LMAN2: variants seen among roughly 807,000 people sequenced by gnomAD.
LMAN2 encodes the protein vesicular integral-membrane protein VIP36.
Under a neutral mutation model 39.3 loss-of-function variants are expected in LMAN2, and 22 were observed. The observed-to-expected ratio is 0.56, with a 90% CI of 0.40 to 0.80. The LOEUF is 0.80. LMAN2 is among the 30% of genes least tolerant of loss of function. The pLI is 0.00. For synonymous variants in LMAN2, 207 were observed against 207.8 expected, an observed-to-expected ratio of 1.00 and a Z score of 0.03; for missense variants, 494 against 505.4, an observed-to-expected ratio of 0.98 and a Z score of 0.22.
At position 177,334,620 on chromosome 5, in the gene LMAN2, G is replaced by C. The variant is rs73330441; in HGVS notation, c.791-217C>G. The C allele has an allele frequency of 6.1e-3, 3,202 of 524,588 alleles. 77 individuals are homozygous for C. Among genetic ancestry groups the C allele is most frequent in the African/African-American group, 0.057 (2,982 of 52,022 alleles). 32.5% of individuals were successfully genotyped at this position (524,588 alleles called of 1,614,324 possible). ...AGGCAGAGTGGAGAGAAAACAGTAA[G>C]GGCTTTACAAGCAGAATCATCTGGG... On this transcript the variant is annotated intron_variant, in intron 6 of 7. Coordinates refer to ENST00000303127, the MANE Select transcript of LMAN2 (RefSeq NM_006816.3).
chr5:177,337,450 C>A lies in LMAN2; in HGVS notation c.588G>T (p.Trp196Cys). 1 of 1,613,930 alleles carries A rather than the reference C, an allele frequency of 6.2e-7. No homozygotes were observed. The highest frequency in any genetic ancestry group is 8.5e-7 in the Non-Finnish European group (1 of 1,180,028). ...CAGCCGTGCAGCCCGCCAGCTCGGT[C>A]CAGCGCCCATCCTTGCTGTGGTCGT... is the stretch of plus-strand genomic sequence containing the variant. ...LSYDHSKDGR[W>C]TELAGCTADF... The change falls in exon 5 of 8, where the codon TGG (tryptophan) becomes TGT (cysteine). Residue 196 changes from tryptophan (W) to cysteine (C), a missense_variant. Trp to Cys is a radical substitution (Grantham distance 215). Transcript: ENST00000303127. This position sits in a 1 kb window ranked among gnomAD's most constrained non-coding sequence, Gnocchi z 8.2.
intron 2 of LMAN2, among the ~76,000 whole-genome samples, chr5:177,340,439 C>T (rs1371317507): frequency 6.6e-6 from 1 of 152,090 alleles, no homozygotes; most frequent in Non-Finnish European, 1.5e-5. Context: ...TTTCAACCCA[C>T]GTCCTCCCCC....
At chr5:177,341,472 C>T (rs924869437) in intron 2 of LMAN2, among the ~76,000 whole-genome samples, 4 of 152,182 alleles carry the variant, frequency 2.6e-5, no homozygotes, top group East Asian at 1.9e-4. Flanking sequence ...GCGGGAACAG[C>T]GGGAGCAAGA....
intron 2 of LMAN2, among the ~76,000 whole-genome samples, chr5:177,347,962 T>C (rs1394639191): frequency 6.6e-6 from 1 of 152,056 alleles, no homozygotes; most frequent in Non-Finnish European, 1.5e-5. Context: ...ATAATAGAAA[T>C]TTAAAATTTT....
chr5:177,351,637 T>G lies in LMAN2; in HGVS notation c.11A>C (p.Glu4Ala). 2 of 1,591,292 alleles carry G rather than the reference T, an allele frequency of 1.3e-6. No homozygotes were observed. Among genetic ancestry groups the G allele is most frequent in the Non-Finnish European group, 8.5e-7 (1 of 1,171,224 alleles). Residue 4 changes from glutamate (E) to alanine (A), a missense_variant, in exon 1 of 8, where the codon GAA becomes GCA. Coordinates refer to ENST00000303127, the MANE Select transcript of LMAN2 (RefSeq NM_006816.3). MAAEGWIWRWGWGR... is the reference protein window; with the variant it reads MAAAGWIWRWGWGR... ...CCAGCCCCAACGCCAAATCCAGCCT[T>G]CCGCCGCCATTCTCCTCTCCTCTCG... is the stretch of plus-strand genomic sequence containing the variant.
intron 2 of LMAN2, among the ~76,000 whole-genome samples, chr5:177,344,281 C>CTTTTT (rs59101629): frequency 2.4e-5 from 2 of 82,286 alleles, no homozygotes; most frequent in Non-Finnish European, 4.6e-5. Flanking sequence ...CGCTTTGTTA[C>CTTTTT]TTTTTTTTTT....
chr5:177,340,807 T>G (rs528650178), intron 2 of LMAN2, among the ~76,000 whole-genome samples: 4 of 150,834 alleles, frequency 2.7e-5, no homozygotes, highest in Admixed American at 2.0e-4. Context: ...CAGGCTGGAG[T>G]GCAGTGGCAC....
intron 2 of LMAN2, among the ~76,000 whole-genome samples, chr5:177,344,292 T>C (rs1046046836): frequency 7.0e-6 from 1 of 143,008 alleles, no homozygotes; most frequent in Non-Finnish European, 1.5e-5. Context: ...TTTTTTTTTT[T>C]TTTTTTTTTT....
At position 177,332,359 on chromosome 5, in the gene LMAN2, C is replaced by G; in HGVS notation, c.911-113G>C. The stretch of plus-strand genomic sequence containing the variant: ...AGCCGGCCACGGTGGGCAGGCCGGT[C>G]GTACTCACCCCCCTCACCGGGGAGG... On this transcript the variant is annotated intron_variant, in intron 7 of 7. Coordinates refer to ENST00000303127, the MANE Select transcript of LMAN2 (RefSeq NM_006816.3). The surrounding 1 kb of genome is among the most constrained non-coding windows in gnomAD (Gnocchi z 6.3). 1.0e-6 allele frequency: 1 copy of G among 958,518 alleles called. No individual in the cohort carries two copies. The highest frequency in any genetic ancestry group is 2.6e-5 in the East Asian group (1 of 38,336). The allele number at this position is 958,518 out of a possible 1,614,324, so 59.4% of individuals were successfully genotyped here. A position where few individuals can be genotyped will look rare whatever the true frequency, so the allele number is the denominator to read the frequency against.
rs6877108 is a variant in LMAN2 at position 177,331,778 on chromosome 5, C to T, written c.*308G>A. 8,268 of 258,658 alleles carry T rather than the reference C, an allele frequency of 0.032. 662 individuals are homozygous for T. Among genetic ancestry groups the T allele is most frequent in the African/African-American group, 0.17 (7,751 of 45,184 alleles). The allele number at this position is 258,658 out of a possible 1,614,324, so 16.0% of individuals were successfully genotyped here. A position where few individuals can be genotyped will look rare whatever the true frequency, so the allele number is the denominator to read the frequency against. ...CTCAGGAGCCCACCCCAGTGTGGTC[C>T]GGGGGACCCTCCAGTGTTCAACAGC... On this transcript the variant is annotated 3_prime_UTR_variant, in exon 8 of 8. Coordinates refer to ENST00000303127, the MANE Select transcript of LMAN2 (RefSeq NM_006816.3).
Position 177,351,278 on chromosome 5 carries a change from G to A in LMAN2, c.210C>T (p.Ser70=). Reference sequence around the variant, plus strand: ...CCTGGAAGTCCCAGAGGGGCATAGAGCTGGAACCGACCCCTGTGGGAAGAG... The same window carrying A: ...CCTGGAAGTCCCAGAGGGGCATAGAACTGGAACCGACCCCTGTGGGAAGAG... ...LIKPYQGVGS[S]SMPLWDFQGS... is the part of the protein sequence containing the mutation. Residue 70 remains serine (S), a synonymous_variant, in exon 2 of 8, where the codon AGC becomes AGT. Coordinates refer to ENST00000303127, the MANE Select transcript of LMAN2 (RefSeq NM_006816.3). 6.2e-7 allele frequency: 1 copy of A among 1,614,016 alleles called. No individual in the cohort carries two copies. Among genetic ancestry groups the A allele is most frequent in the Admixed American group, 1.7e-5 (1 of 60,030 alleles).
In LMAN2 at chr5:177,332,124, A is replaced by ACACCACGGCCCC. The variant is rs1259384509; in HGVS notation, c.1021_1032dup (p.Gly341_Val344dup). On this transcript the variant is annotated inframe_insertion, in exon 8 of 8. Transcript: ENST00000303127. The surrounding 1 kb of genome is among the most constrained non-coding windows in gnomAD (Gnocchi z 6.3). Reference sequence around the variant, plus strand: ...TTGTTCCGCTCCTGCCGCTTCTGGAACACCACGGCCCCCACCACGGCGCAG... The same window carrying ACACCACGGCCCC: ...TTGTTCCGCTCCTGCCGCTTCTGGAACACCACGGCCCCCACCACGGCCCCCACCACGGCGCAG... 1.2e-6 allele frequency: 2 copies of ACACCACGGCCCC among 1,613,398 alleles called. No homozygotes were observed. The highest frequency in any genetic ancestry group is 1.3e-5 in the African/African-American group (1 of 74,902).
At chr5:177,336,909 C>T (rs1002053839) in intron 6 of LMAN2, 11 of 576,610 alleles carry the variant, frequency 1.9e-5, no homozygotes, top group African/African-American at 5.7e-5. Context: ...AACTGAGGCC[C>T]GGACAGGCCA....
chr5:177,350,853 CACT>C (rs1761711327), intron 2 of LMAN2, among the ~76,000 whole-genome samples: 1 of 152,180 alleles, frequency 6.6e-6, no homozygotes, highest in Admixed American at 6.5e-5. Context: ...CTGACAGTTC[CACT>C]ACTTTCTGGC....
Position 177,337,012 on chromosome 5 carries a change from G to A in LMAN2, c.790+124C>T, listed in dbSNP as rs1761483758. The stretch of plus-strand genomic sequence containing the variant: ...GACAGGCCATTTACAGAAGAAAGGA[G>A]GAGGAGGAACACAGCCAGGTGAGCT... On this transcript the variant is annotated intron_variant, in intron 6 of 7. Coordinates refer to ENST00000303127, the MANE Select transcript of LMAN2 (RefSeq NM_006816.3). The surrounding 1 kb of genome is among the most constrained non-coding windows in gnomAD (Gnocchi z 8.2). 4.3e-6 allele frequency: 3 copies of A among 694,886 alleles called. No homozygotes were observed. The highest frequency in any genetic ancestry group is 7.5e-6 in the Non-Finnish European group (3 of 400,626). 43.0% of individuals were successfully genotyped at this position (694,886 alleles called of 1,614,324 possible).
chr5:177,349,799 T>C (rs991728611), intron 2 of LMAN2, among the ~76,000 whole-genome samples: 1 of 152,312 alleles, frequency 6.6e-6, no homozygotes, highest in African/African-American at 2.4e-5. Flanking sequence ...AGACAGAATG[T>C]GACAGAATGT....
intron 2 of LMAN2, among the ~76,000 whole-genome samples, chr5:177,349,172 AGAGTT>A (rs996627189): frequency 3.3e-5 from 5 of 152,170 alleles, no homozygotes; most frequent in Admixed American, 1.3e-4. Flanking sequence ...CAGGCACTTA[AGAGTT>A]CTAGTCAACT....
chr5:177,334,595 A>G (rs986186345), intron 6 of LMAN2, 192 bp from the exon 7 acceptor site: 5 of 629,050 alleles, frequency 7.9e-6, no homozygotes, highest in Non-Finnish European at 1.3e-5. Context: ...AAAAGAGAGG[A>G]GGCAGAGTGG....
Position 177,332,923 on chromosome 5 carries a change from C to A in LMAN2, c.911-677G>T, listed in dbSNP as rs1189492315. 1.3e-5 allele frequency among the ~76,000 whole-genome samples: 2 copies of A among 151,802 alleles called. No individual in the cohort carries two copies. Among genetic ancestry groups the A allele is most frequent in the Admixed American group, 1.3e-4 (2 of 15,254 alleles). The stretch of plus-strand genomic sequence containing the variant: ...ACTCTGCCTCCCTCCCTGACTGCGG[C>A]CCCCCCGACTCCACACTGTACAGTC... On this transcript the variant is annotated intron_variant, in intron 7 of 7. Transcript: ENST00000303127. This position sits in a 1 kb window ranked among gnomAD's most constrained non-coding sequence, Gnocchi z 6.3.
Sources: allele counts gnomAD v4.1 joint callset (sites outside exome capture counted in the v4.1 genomes callset), GRCh38; gene constraint gnomAD v4.1.1; non-coding constraint Gnocchi (gnomAD v3.1); transcripts MANE v1.5; gene names NCBI Gene and HGNC (gene_info 2026-07-23, HGNC 2026-07-21).